ADAMTS13: variants seen among roughly 807,000 people sequenced by gnomAD.
ADAMTS13 encodes ADAM metallopeptidase with thrombospondin type 1 motif 13.
Under a neutral mutation model 155.1 loss-of-function variants are expected in ADAMTS13, and 110 were observed. The observed-to-expected ratio is 0.71, with a 90% CI of 0.61 to 0.83. ADAMTS13 has a LOEUF of 0.83. Among genes scored for constraint, ADAMTS13 ranks in the 40% least tolerant of loss-of-function variants. ADAMTS13 has a pLI of 0.00. For synonymous variants in ADAMTS13, 758 were observed against 756.4 expected (o/e 1.00, Z -0.03); for missense variants, 1,707 against 1,891.7 (o/e 0.90, Z 1.81).
At chr9:133,419,679 G>C (rs115591476), upstream of ADAMTS13, among the ~76,000 whole-genome samples, 200 of 152,302 alleles carry the variant, frequency 1.3e-3, no homozygotes, top group African/African-American at 4.6e-3. Context: ...GACGAGGACA[G>C]AGAGATGGGA....
upstream of ADAMTS13, chr9:133,418,117 C>A: frequency 2.0e-6 from 1 of 496,810 alleles, no homozygotes; most frequent in African/African-American, 2.0e-5. Context: ...TTCACCCGCA[C>A]GGGACTTGGG....
chr9:133,430,979 C>A (rs3124772), intron 8 of ADAMTS13, among the ~76,000 whole-genome samples: 6,301 of 151,490 alleles, frequency 0.042, 411 homozygotes, highest in African/African-American at 0.14. Flanking sequence ...TTTTTAAATT[C>A]TTTTGAGACA....
chr9:133,424,595 C>T lies in ADAMTS13; in HGVS notation c.330+117C>T, dbSNP rs1017862393. 17 of 1,462,884 alleles carry T rather than the reference C, an allele frequency of 1.2e-5. No homozygotes were observed. Among genetic ancestry groups the T allele is most frequent in the Admixed American group, 5.9e-5 (3 of 50,624 alleles). 90.6% of individuals were successfully genotyped at this position (1,462,884 alleles called of 1,614,324 possible). On this transcript the variant is annotated intron_variant, in intron 3 of 28. Coordinates refer to ENST00000355699, the MANE Select transcript of ADAMTS13 (RefSeq NM_139027.6). This position sits in a 1 kb window ranked among gnomAD's most constrained non-coding sequence, Gnocchi z 4.3. ...TGGGTTAAACTCAGGTAGAATGGCT[C>T]GGGGTTCTTCCTCTTCTCCCTCCCT...
chr9:133,423,251 A>AT (rs1319742158), intron 2 of ADAMTS13, 84 bp downstream of exon 2: 1 of 1,335,500 alleles, frequency 7.5e-7, no homozygotes, highest in Non-Finnish European at 1.1e-6. Flanking sequence ...GTGGTCTGGG[A>AT]TTTTTGGTGG....
At chr9:133,444,834 G>A in intron 19 of ADAMTS13, 29 bp from the exon 20 acceptor site, 1 of 1,610,476 alleles carries the variant, frequency 6.2e-7, no homozygotes, top group Non-Finnish European at 8.5e-7. Flanking sequence ...CAGAGGCAGG[G>A]CCTGATGACT....
At chr9:133,444,802 G>A in intron 19 of ADAMTS13, 61 bp from the exon 20 acceptor site, 1 of 1,570,340 alleles carries the variant, frequency 6.4e-7, no homozygotes, top group Non-Finnish European at 8.7e-7. Flanking sequence ...CTAGCAGCTG[G>A]GCTATACCTT....
At chr9:133,432,947 C>T (rs587652221) in intron 9 of ADAMTS13, among the ~76,000 whole-genome samples, 2 of 149,858 alleles carry the variant, frequency 1.3e-5, no homozygotes, top group African/African-American at 5.0e-5. Context: ...GGGTGGGGTC[C>T]CTGTGTGAAG....
intron 25 of ADAMTS13, 154 bp downstream of exon 25, chr9:133,455,589 A>T (rs1554795626): frequency 1.2e-6 from 2 of 1,603,344 alleles, no homozygotes; most frequent in Non-Finnish European, 1.7e-6. Context: ...CCCCAGGAAA[A>T]CTCAGTGCAG....
At position 133,445,134 on chromosome 9, in the gene ADAMTS13, G is replaced by A. The variant is rs928757645; in HGVS notation, c.2610+82G>A. ...AGAACGAGGAGCACCCATTGCCACCGTCCTCCAGGCCAGAGCAAGAACACC... is the reference window on the plus strand; with the variant it reads ...AGAACGAGGAGCACCCATTGCCACCATCCTCCAGGCCAGAGCAAGAACACC... On this transcript the variant is annotated intron_variant, in intron 20 of 28. Coordinates refer to ENST00000355699, the MANE Select transcript of ADAMTS13 (RefSeq NM_139027.6). The surrounding 1 kb of genome is among the most constrained non-coding windows in gnomAD (Gnocchi z 5.0). 14 of 1,462,428 alleles carry A rather than the reference G, an allele frequency of 9.6e-6. No homozygotes were observed. The highest frequency in any genetic ancestry group is 7.0e-5 in the African/African-American group (5 of 71,814). 90.6% of individuals were successfully genotyped at this position (1,462,428 alleles called of 1,614,324 possible). A position where few individuals can be genotyped will look rare whatever the true frequency, so the allele number is the denominator to read the frequency against.
At chr9:133,432,816 C>A in intron 9 of ADAMTS13, 124 bp downstream of exon 9, 1 of 965,086 alleles carries the variant, frequency 1.0e-6, no homozygotes, top group Non-Finnish European at 1.6e-6. Context: ...TTGGAGTTGG[C>A]CTTGGGGACT....
chr9:133,431,311 C>T (rs1554787377), intron 8 of ADAMTS13, among the ~76,000 whole-genome samples: 1 of 149,588 alleles, frequency 6.7e-6, no homozygotes. Flanking sequence ...TAATTTTGAC[C>T]TGGAAGTTCA....
chr9:133,433,968 C>T lies in ADAMTS13; in HGVS notation c.1308+264C>T, dbSNP rs587687571. ...AAAATTAGCCGGGCGTGGTGGTGGG[C>T]GCCTGTAGTCCCAGCTACTCGGGAA... On this transcript the variant is annotated intron_variant, in intron 11 of 28. Transcript: ENST00000355699. Among the ~76,000 whole-genome samples, 13 of 151,948 alleles carry T rather than the reference C, an allele frequency of 8.6e-5. No individual in the cohort carries two copies. The South Asian group carries it at 1.5e-3, about 17-fold the overall frequency.
chr9:133,454,382 C>T (rs1554795057), intron 23 of ADAMTS13, 33 bp from the exon 24 acceptor site: 2 of 1,612,052 alleles, frequency 1.2e-6, no homozygotes, highest in Non-Finnish European at 1.7e-6. Flanking sequence ...CTGGGGAGAC[C>T]TAGCCTCTCT....
intron 6 of ADAMTS13, among the ~76,000 whole-genome samples, chr9:133,428,308 C>T (rs1191730039): frequency 1.3e-5 from 2 of 152,236 alleles, no homozygotes; most frequent in Non-Finnish European, 2.9e-5. Flanking sequence ...CCCGGCCAGT[C>T]CCCACCTCCC....
intron 11 of ADAMTS13, 26 bp from the exon 12 acceptor site, chr9:133,436,803 C>T: frequency 9.5e-7 from 1 of 1,050,444 alleles, no homozygotes; most frequent in Non-Finnish European, 1.4e-6. Context: ...CACCGCCATC[C>T]CCCTCCTCTG....
At chr9:133,432,222 G>T (rs933872176) in intron 8 of ADAMTS13, among the ~76,000 whole-genome samples, 1 of 152,074 alleles carries the variant, frequency 6.6e-6, no homozygotes, top group African/African-American at 2.4e-5. Context: ...CCAAGATCGC[G>T]CCATTGCCCT....
In ADAMTS13 at chr9:133,449,781, A is replaced by C; in HGVS notation, c.2862-2A>C. 6.2e-7 allele frequency: 1 copy of C among 1,613,820 alleles called. No homozygotes were observed. The highest frequency in any genetic ancestry group is 8.5e-7 in the Non-Finnish European group (1 of 1,180,022). ...GGGGTCCCTGACTCCAGTTTGCTCC[A>C]GGTGGCAGTACAAGCTGGCGGCCTG... is the stretch of plus-strand genomic sequence containing the variant. On this transcript the variant is annotated splice_acceptor_variant, in intron 22 of 28. Coordinates refer to ENST00000355699, the MANE Select transcript of ADAMTS13 (RefSeq NM_139027.6). LOFTEE classifies it high-confidence loss of function.
In ADAMTS13 at chr9:133,440,603, T is replaced by A. The variant is rs1345466996; in HGVS notation, c.1968+78T>A. On this transcript the variant is annotated intron_variant, in intron 16 of 28. Transcript: ENST00000355699. This position sits in a 1 kb window ranked among gnomAD's most constrained non-coding sequence, Gnocchi z 4.3. ...GGCTGCTTGCTCGTTTGTCTATCCA[T>A]CCATTCCCTGATTCGTTCATTTATT... The A allele has an allele frequency of 1.8e-5, 26 of 1,435,866 alleles. No homozygotes were observed. Among genetic ancestry groups the A allele is most frequent in the Non-Finnish European group, 2.4e-5 (26 of 1,074,064 alleles). The allele number at this position is 1,435,866 out of a possible 1,614,324, so 88.9% of individuals were successfully genotyped here.
chr9:133,414,541 G>C (rs587734026), exon 1 of ADAMTS13: 1 of 877,512 alleles, frequency 1.1e-6, no homozygotes, highest in African/African-American at 1.6e-5. Flanking sequence ...GTAAACAAAG[G>C]AACAGACGAC....
Sources: allele counts gnomAD v4.1 joint callset (sites outside exome capture counted in the v4.1 genomes callset), GRCh38; gene constraint gnomAD v4.1.1; non-coding constraint Gnocchi (gnomAD v3.1); transcripts MANE v1.5; gene names NCBI Gene and HGNC (gene_info 2026-07-23, HGNC 2026-07-21).